PPP1R9A: variants seen among roughly 807,000 people sequenced by gnomAD.
The protein encoded by PPP1R9A is neurabin-1.
PPP1R9A carries 59 observed loss-of-function variants against 141.9 expected under a neutral mutation model. The ratio of observed to expected loss-of-function variants is 0.42; its 90% confidence interval spans 0.34 to 0.52. The LOEUF (loss-of-function observed/expected upper bound fraction) is 0.52. Among genes scored for constraint, PPP1R9A ranks in the 20% least tolerant of loss-of-function variants. PPP1R9A has a pLI of 0.10. For synonymous variants in PPP1R9A, 500 were observed against 569.7 expected (o/e 0.88, Z 1.74); for missense variants, 1,444 against 1,611.9 (o/e 0.90, Z 1.78).
intron 5 of PPP1R9A, among the ~76,000 whole-genome samples, chr7:95,196,954 A>G (rs1836378106): frequency 6.6e-6 from 1 of 152,170 alleles, no homozygotes; most frequent in Admixed American, 6.5e-5. Context: ...AATTCTATTA[A>G]TAATTGATTT....
intron 2 of PPP1R9A, among the ~76,000 whole-genome samples, chr7:95,014,115 G>A (rs1047040548): frequency 6.6e-6 from 1 of 152,014 alleles, no homozygotes; most frequent in African/African-American, 2.4e-5. Flanking sequence ...ATTGATCAAA[G>A]TCAGAAACTT....
chr7:95,144,711 A>G (rs887879478), intron 4 of PPP1R9A, among the ~76,000 whole-genome samples: 1 of 152,346 alleles, frequency 6.6e-6, no homozygotes, highest in South Asian at 2.1e-4. Flanking sequence ...ACTTATCAAC[A>G]TAGTACTGGA....
chr7:94,946,827 G>A (rs1795946201), intron 2 of PPP1R9A, among the ~76,000 whole-genome samples: 1 of 152,066 alleles, frequency 6.6e-6, no homozygotes, highest in Non-Finnish European at 1.5e-5. Flanking sequence ...TGCAAGGTAA[G>A]GGCAAGATGT....
intron 5 of PPP1R9A, among the ~76,000 whole-genome samples, chr7:95,169,619 T>C (rs73220044): frequency 0.12 from 18,933 of 151,840 alleles, 1,307 homozygotes; most frequent in East Asian, 0.2. Context: ...CAGTATAGCA[T>C]GTAAGAAAAT....
chr7:94,924,092 G>C (rs1187001954), intron 2 of PPP1R9A, among the ~76,000 whole-genome samples: 1 of 152,122 alleles, frequency 6.6e-6, no homozygotes, highest in Non-Finnish European at 1.5e-5. Flanking sequence ...TAAAGAAAAA[G>C]AGGCAACATT....
chr7:95,116,852 G>A (rs1319808880), intron 3 of PPP1R9A, among the ~76,000 whole-genome samples: 1 of 152,132 alleles, frequency 6.6e-6, no homozygotes, highest in Non-Finnish European at 1.5e-5. Flanking sequence ...AGAAAAAGAT[G>A]TTAGTATGTG....
At chr7:95,248,556 A>G (rs1481613513) in intron 9 of PPP1R9A, among the ~76,000 whole-genome samples, 1 of 152,102 alleles carries the variant, frequency 6.6e-6, no homozygotes, top group Non-Finnish European at 1.5e-5. Context: ...GCAGTAAATA[A>G]CCTATTCCTG....
At chr7:95,244,120 T>C (rs1232675436) in intron 8 of PPP1R9A, among the ~76,000 whole-genome samples, 1 of 152,214 alleles carries the variant, frequency 6.6e-6, no homozygotes, top group African/African-American at 2.4e-5. Flanking sequence ...CTGAATAATG[T>C]GAATTTACAC....
intron 3 of PPP1R9A, 112 bp from the exon 4 acceptor site, chr7:95,120,600 C>G: frequency 1.6e-6 from 2 of 1,215,104 alleles, no homozygotes; most frequent in Non-Finnish European, 2.3e-6. Flanking sequence ...TGTTATTGTC[C>G]TATCCATAAG....
At chr7:94,909,172 T>C (rs1399333516) in intron 1 of PPP1R9A, among the ~76,000 whole-genome samples, 2 of 152,186 alleles carry the variant, frequency 1.3e-5, no homozygotes, top group African/African-American at 4.8e-5. Flanking sequence ...CACAGTATAT[T>C]TGCTTTCTGA....
At chr7:95,197,365 T>A (rs1343021813) in intron 5 of PPP1R9A, among the ~76,000 whole-genome samples, 2 of 152,198 alleles carry the variant, frequency 1.3e-5, no homozygotes, top group African/African-American at 4.8e-5. Context: ...TTGGCAACAA[T>A]ATACCATAAG....
At chr7:95,019,173 T>C (rs1805531041) in intron 2 of PPP1R9A, among the ~76,000 whole-genome samples, 1 of 152,154 alleles carries the variant, frequency 6.6e-6, no homozygotes, top group Non-Finnish European at 1.5e-5. Flanking sequence ...GGCAGGCAGA[T>C]CACTTGAGGT....
chr7:95,201,897 A>G (rs1413338662), intron 6 of PPP1R9A, among the ~76,000 whole-genome samples: 1 of 152,150 alleles, frequency 6.6e-6, no homozygotes, highest in East Asian at 1.9e-4. Context: ...AGTTCATCCA[A>G]CTGATTTCCA....
intron 5 of PPP1R9A, among the ~76,000 whole-genome samples, chr7:95,177,461 TAACA>T (rs752370545): frequency 1.3e-4 from 20 of 150,828 alleles, no homozygotes; most frequent in African/African-American, 3.9e-4. Flanking sequence ...AAATACAAGT[TAACA>T]AACAAACAAA....
chr7:95,204,694 CCA>C, intron 7 of PPP1R9A, among the ~76,000 whole-genome samples: 1 of 119,066 alleles, frequency 8.4e-6, no homozygotes, highest in Admixed American at 9.3e-5. Flanking sequence ...CCACACATAC[CCA>C]CACACACCAC....
intron 2 of PPP1R9A, among the ~76,000 whole-genome samples, chr7:95,001,865 A>G (rs1347033551): frequency 6.6e-6 from 1 of 152,232 alleles, no homozygotes; most frequent in Non-Finnish European, 1.5e-5. Flanking sequence ...AAACAAAAAA[A>G]ACACAAGGGA....
chr7:95,125,145 C>CTTTTTAT (rs1240932920), intron 4 of PPP1R9A, among the ~76,000 whole-genome samples: 2 of 151,996 alleles, frequency 1.3e-5, no homozygotes, highest in Non-Finnish European at 2.9e-5. Context: ...GCTTTAGTCA[C>CTTTTTAT]TTTTTATTTT....
chr7:95,066,132 G>A (rs534118791), intron 2 of PPP1R9A, among the ~76,000 whole-genome samples: 1 of 152,182 alleles, frequency 6.6e-6, no homozygotes, highest in Non-Finnish European at 1.5e-5. Context: ...TGGATTGGCT[G>A]TCATACAATC....
chr7:95,017,788 T>C (rs1214587067), intron 2 of PPP1R9A, among the ~76,000 whole-genome samples: 1 of 152,182 alleles, frequency 6.6e-6, no homozygotes, highest in African/African-American at 2.4e-5. Context: ...CCCACACATA[T>C]ATGATCAATT....
Sources: allele counts gnomAD v4.1 joint callset (sites outside exome capture counted in the v4.1 genomes callset), GRCh38; gene constraint gnomAD v4.1.1; transcripts MANE v1.5; gene names NCBI Gene and HGNC (gene_info 2026-07-23, HGNC 2026-07-21).